MAP3K5: variants seen among roughly 807,000 people sequenced by gnomAD.
MAP3K5 encodes mitogen-activated protein kinase kinase kinase 5, also known as ASK-1.
Under a neutral mutation model 158.7 loss-of-function variants are expected in MAP3K5, and 56 were observed. The ratio of observed to expected loss-of-function variants is 0.35; its 90% CI spans 0.28 to 0.44. The LOEUF is 0.44. Among genes scored for constraint, MAP3K5 ranks in the 20% least tolerant of loss-of-function variants. MAP3K5 has a pLI of 1.00. For synonymous variants in MAP3K5, 579 were observed against 601.7 expected, an observed-to-expected ratio of 0.96 and a Z score of 0.55; for missense variants, 1,294 against 1,674.8, an observed-to-expected ratio of 0.77 and a Z score of 3.97.
chr6:136,593,282 T>G (rs1316944052), intron 21 of MAP3K5, among the ~76,000 whole-genome samples: 3 of 152,260 alleles, frequency 2.0e-5, no homozygotes, highest in Non-Finnish European at 4.4e-5. Context: ...CTTCTTTATT[T>G]GGATGGAGAA....
chr6:136,745,143 GT>G (rs11302986), intron 1 of MAP3K5, among the ~76,000 whole-genome samples: 94,119 of 108,072 alleles, frequency 0.87, 40,908 homozygotes, highest in Non-Finnish European at 0.93. Flanking sequence ...AGTCATTAAA[GT>G]TTTTTTTTTT....
chr6:136,578,316 C>T (rs1421245296), intron 25 of MAP3K5, among the ~76,000 whole-genome samples: 1 of 152,184 alleles, frequency 6.6e-6, no homozygotes, highest in Non-Finnish European at 1.5e-5. Context: ...AATTTCCACC[C>T]TAATTTGTTA....
chr6:136,643,612 T>G (rs1220779578), intron 11 of MAP3K5, among the ~76,000 whole-genome samples: 2 of 152,164 alleles, frequency 1.3e-5, no homozygotes, highest in African/African-American at 4.8e-5. Context: ...CCCATAATTC[T>G]TTGCTAGGTC....
At position 136,717,278 on chromosome 6, in the gene MAP3K5, A is replaced by C. The variant is rs116816490; in HGVS notation, c.588+3172T>G. Among the ~76,000 whole-genome samples the C allele has an allele frequency of 7.3e-3, 1,108 of 152,280 alleles. 14 individuals carry two copies. The highest frequency in any genetic ancestry group is 0.026 in the African/African-American group (1,071 of 41,562). On this transcript the variant is annotated intron_variant, in intron 2 of 29. Transcript: ENST00000359015. ...TGACTAGATTCTAAATATCCTTTCA[A>C]ATGATACTTCAGACATAGATTTTTA... is the stretch of plus-strand genomic sequence containing the variant.
At chr6:136,723,518 T>C (rs2114792666) in intron 1 of MAP3K5, among the ~76,000 whole-genome samples, 1 of 152,322 alleles carries the variant, frequency 6.6e-6, no homozygotes, top group East Asian at 1.9e-4. Context: ...TATTTTATTT[T>C]TCTATTTTAT....
At chr6:136,743,120 C>T (rs149291091) in intron 1 of MAP3K5, among the ~76,000 whole-genome samples, 37 of 150,720 alleles carry the variant, frequency 2.5e-4, no homozygotes, top group African/African-American at 8.0e-4. Context: ...ACAAAAGATG[C>T]TCAACATCAT....
intron 1 of MAP3K5, among the ~76,000 whole-genome samples, chr6:136,730,648 G>C (rs889169208): frequency 3.4e-4 from 51 of 151,072 alleles, no homozygotes; most frequent in African/African-American, 1.1e-3. Flanking sequence ...CGTGAACCCA[G>C]GAGGCAGAGC....
At chr6:136,691,238 A>C (rs1354790569) in intron 7 of MAP3K5, among the ~76,000 whole-genome samples, 1 of 152,116 alleles carries the variant, frequency 6.6e-6, no homozygotes, top group Non-Finnish European at 1.5e-5. Flanking sequence ...GATTTGGATA[A>C]TATTTGACCA....
At chr6:136,772,814 G>A (rs559937125) in intron 1 of MAP3K5, among the ~76,000 whole-genome samples, 1 of 152,312 alleles carries the variant, frequency 6.6e-6, no homozygotes, top group African/African-American at 2.4e-5. Flanking sequence ...AAACAAGAAA[G>A]GCGTTTCAGG....
At chr6:136,649,915 G>A (rs1186599425) in intron 11 of MAP3K5, among the ~76,000 whole-genome samples, 1 of 152,212 alleles carries the variant, frequency 6.6e-6, no homozygotes, top group Non-Finnish European at 1.5e-5. Context: ...GGGCAGTGGT[G>A]GGATTTGAAT....
At chr6:136,619,421 A>T (rs1003363357) in intron 15 of MAP3K5, among the ~76,000 whole-genome samples, 5 of 152,162 alleles carry the variant, frequency 3.3e-5, no homozygotes, top group African/African-American at 1.2e-4. Flanking sequence ...TGTGATTTTT[A>T]AAAATAGATG....
Position 136,697,264 on chromosome 6 carries a change from T to C in MAP3K5, c.930A>G (p.Thr310=). 1.2e-6 allele frequency: 2 copies of C among 1,613,810 alleles called. No individual in the cohort carries two copies. Among genetic ancestry groups the C allele is most frequent in the Non-Finnish European group, 1.7e-6 (2 of 1,179,806 alleles). The change falls in exon 5 of 30, where the codon ACA becomes ACG. Residue 310 remains threonine, a synonymous_variant. Coordinates refer to ENST00000359015, the MANE Select transcript of MAP3K5 (RefSeq NM_005923.4). Reference sequence around the variant, plus strand: ...GTAACAGATTTATGACAATATCTGCTGTCAAGACTTCGATATTATCTACTC... The same window carrying C: ...GTAACAGATTTATGACAATATCTGCCGTCAAGACTTCGATATTATCTACTC... The part of the protein sequence containing the change: ...RQRVDNIEVL[T]ADIVINLLLS...
chr6:136,576,934 G>C (rs1207916997), intron 25 of MAP3K5, among the ~76,000 whole-genome samples: 1 of 151,552 alleles, frequency 6.6e-6, no homozygotes, highest in African/African-American at 2.4e-5. Context: ...TGTAGCCCGG[G>C]AGCAACAGGC....
intron 1 of MAP3K5, among the ~76,000 whole-genome samples, chr6:136,745,907 T>C (rs1342499184): frequency 2.6e-5 from 4 of 152,212 alleles, no homozygotes; most frequent in African/African-American, 9.7e-5. Context: ...CATCCTAACG[T>C]TAGCTTAATG....
At chr6:136,642,015 T>TAAAATA (rs61244217) in intron 12 of MAP3K5, among the ~76,000 whole-genome samples, 7 of 110,574 alleles carry the variant, frequency 6.3e-5, no homozygotes, top group Non-Finnish European at 1.2e-4. Flanking sequence ...TAAAATAAAA[T>TAAAATA]AAATAAAATA....
At chr6:136,641,079 C>A (rs6906871) in intron 12 of MAP3K5, among the ~76,000 whole-genome samples, 84,848 of 152,016 alleles carry the variant, frequency 0.56, 24,570 homozygotes, top group South Asian at 0.71. Flanking sequence ...AAGTGGATTG[C>A]TTAAAAATGC....
chr6:136,790,792 G>A (rs1389558461), intron 1 of MAP3K5, among the ~76,000 whole-genome samples: 1 of 152,176 alleles, frequency 6.6e-6, no homozygotes, highest in Non-Finnish European at 1.5e-5. Context: ...CTCAACACTG[G>A]ACGTACAGGG....
At chr6:136,658,923 C>G (rs1333462137) in intron 9 of MAP3K5, among the ~76,000 whole-genome samples, 1 of 152,152 alleles carries the variant, frequency 6.6e-6, no homozygotes, top group Non-Finnish European at 1.5e-5. Flanking sequence ...GTTATATTTG[C>G]AGGTGCAAAA....
chr6:136,632,678 T>A (rs533837890), intron 14 of MAP3K5, among the ~76,000 whole-genome samples: 19 of 151,742 alleles, frequency 1.3e-4, no homozygotes, highest in Non-Finnish European at 2.4e-4. Flanking sequence ...GAAGATGAAA[T>A]GAAGGGGCTG....
Sources: allele counts gnomAD v4.1 joint callset (sites outside exome capture counted in the v4.1 genomes callset), GRCh38; gene constraint gnomAD v4.1.1; transcripts MANE v1.5; gene names NCBI Gene and HGNC (gene_info 2026-07-23, HGNC 2026-07-21).